PPM1L: variants seen among roughly 807,000 people sequenced by gnomAD.
PPM1L encodes protein phosphatase 1L.
PPM1L carries 13 observed loss-of-function variants against 31.4 expected under a neutral mutation model. That is an observed-to-expected ratio of 0.41 (90% CI 0.27 to 0.66). PPM1L has a LOEUF of 0.66. Ranked by LOEUF, PPM1L falls within the 30% of genes least tolerant of loss-of-function variation. The pLI is 0.29. For missense variants in PPM1L, 326 were observed against 453.7 expected (o/e 0.72, Z 2.56); for synonymous variants, 184 against 175.4 (o/e 1.05, Z -0.39).
intron 2 of PPM1L, among the ~76,000 whole-genome samples, chr3:160,985,981 C>CCA (rs1553752452): frequency 0.32 from 47,664 of 148,924 alleles, 7,872 homozygotes; most frequent in East Asian, 0.6. Flanking sequence ...TCCACCCACC[C>CCA]AAAAAAAAAA....
intron 2 of PPM1L, among the ~76,000 whole-genome samples, chr3:160,983,625 A>G (rs1203627313): frequency 6.6e-6 from 1 of 152,190 alleles, no homozygotes; most frequent in Non-Finnish European, 1.5e-5. Flanking sequence ...ATCTACAAGC[A>G]TTTGGGATTA....
At chr3:160,900,165 A>G (rs973755518) in intron 1 of PPM1L, among the ~76,000 whole-genome samples, 1 of 152,092 alleles carries the variant, frequency 6.6e-6, no homozygotes, top group Non-Finnish European at 1.5e-5. Flanking sequence ...AATTCAGTTT[A>G]TATAACAGAT....
At chr3:160,959,171 G>A (rs1231308470) in intron 1 of PPM1L, among the ~76,000 whole-genome samples, 5 of 152,174 alleles carry the variant, frequency 3.3e-5, no homozygotes, top group African/African-American at 7.2e-5. Flanking sequence ...GTTGGAGACC[G>A]TTGTTCTATG....
At chr3:160,829,221 A>G (rs902345283) in intron 1 of PPM1L, among the ~76,000 whole-genome samples, 7 of 145,292 alleles carry the variant, frequency 4.8e-5, no homozygotes, top group African/African-American at 1.8e-4. Context: ...GTTTAGCAAA[A>G]CTCCACCCTT....
At chr3:160,922,325 A>G (rs528954816) in intron 1 of PPM1L, among the ~76,000 whole-genome samples, 1 of 152,156 alleles carries the variant, frequency 6.6e-6, no homozygotes, top group Middle Eastern at 3.4e-3. Flanking sequence ...AATATATTAC[A>G]TATATTCCTG....
At chr3:160,995,052 C>T (rs1031138755) in intron 2 of PPM1L, among the ~76,000 whole-genome samples, 2 of 152,104 alleles carry the variant, frequency 1.3e-5, no homozygotes, top group Non-Finnish European at 2.9e-5. Flanking sequence ...TTTTAAACAG[C>T]GTTATTAAAA....
At chr3:161,019,615 C>T (rs750737917) in intron 2 of PPM1L, among the ~76,000 whole-genome samples, 27 of 152,076 alleles carry the variant, frequency 1.8e-4, no homozygotes, top group Non-Finnish European at 3.1e-4. Context: ...AATCAAAGTA[C>T]CATTTAGCAG....
At chr3:161,005,496 C>G (rs181292436) in intron 2 of PPM1L, among the ~76,000 whole-genome samples, 58 of 152,164 alleles carry the variant, frequency 3.8e-4, no homozygotes, top group African/African-American at 1.2e-3. Context: ...GGAAGGTGTT[C>G]AAGAAGTGGT....
At chr3:160,804,882 A>G (rs1712550098) in intron 1 of PPM1L, among the ~76,000 whole-genome samples, 1 of 152,184 alleles carries the variant, frequency 6.6e-6, no homozygotes, top group Non-Finnish European at 1.5e-5. Context: ...AGTACTGATG[A>G]CTGATCATCA....
At chr3:161,031,098 T>C (rs1176509018) in intron 2 of PPM1L, among the ~76,000 whole-genome samples, 1 of 152,342 alleles carries the variant, frequency 6.6e-6, no homozygotes, top group African/African-American at 2.4e-5. Flanking sequence ...TGGTAAGTTC[T>C]CTTCCAGAGA....
At chr3:160,939,311 G>A (rs1715081404) in intron 1 of PPM1L, among the ~76,000 whole-genome samples, 1 of 152,046 alleles carries the variant, frequency 6.6e-6, no homozygotes, top group South Asian at 2.1e-4. Flanking sequence ...AAATATCCAT[G>A]TTTTTCATGC....
Position 160,834,301 on chromosome 3 carries a change from G to C in PPM1L, c.399+77594G>C, listed in dbSNP as rs146198755. On this transcript the variant is annotated intron_variant, in intron 1 of 3. Transcript: ENST00000498165. ...GCCTCCCAAAGTGCTGGGATTACAG[G>C]TATGAGCCACCGTGCCCGGCCTTAA... Among the ~76,000 whole-genome samples the C allele has an allele frequency of 7.6e-4, 116 of 152,126 alleles. 2 individuals carry two copies. In the East Asian group the frequency reaches 0.02, roughly 27 times the overall value.
At chr3:160,777,401 A>G (rs966691042) in intron 1 of PPM1L, among the ~76,000 whole-genome samples, 3 of 152,138 alleles carry the variant, frequency 2.0e-5, no homozygotes, top group African/African-American at 4.8e-5. Flanking sequence ...TATCATTATA[A>G]CCATTTTTAA....
At chr3:161,037,917 C>A (rs1191267368) in intron 2 of PPM1L, among the ~76,000 whole-genome samples, 1 of 152,046 alleles carries the variant, frequency 6.6e-6, no homozygotes, top group African/African-American at 2.4e-5. Context: ...TTCAGCAAGA[C>A]TGGGTCACAT....
At chr3:160,960,363 G>A in intron 1 of PPM1L, among the ~76,000 whole-genome samples, 1 of 151,818 alleles carries the variant, frequency 6.6e-6, no homozygotes. Flanking sequence ...AGTTATGTTG[G>A]GAACATTCAA....
At chr3:160,962,618 A>G (rs1576746214) in intron 2 of PPM1L, among the ~76,000 whole-genome samples, 1 of 152,078 alleles carries the variant, frequency 6.6e-6, no homozygotes, top group African/African-American at 2.4e-5. Context: ...GAAAAAGTAC[A>G]GGAAAAAAGG....
At chr3:160,993,009 C>T (rs1381956908) in intron 2 of PPM1L, among the ~76,000 whole-genome samples, 1 of 151,910 alleles carries the variant, frequency 6.6e-6, no homozygotes, top group Non-Finnish European at 1.5e-5. Context: ...AACACTAGGC[C>T]GTTGAATCCC....
At position 160,765,614 on chromosome 3, in the gene PPM1L, C is replaced by T. The variant is rs148033456; in HGVS notation, c.399+8907C>T. On this transcript the variant is annotated intron_variant, in intron 1 of 3. Coordinates refer to ENST00000498165, the MANE Select transcript of PPM1L (RefSeq NM_139245.4). Reference sequence around the variant, plus strand: ...CTTCTTTGCTGGCAGAATCTCTATCCCACTACAGAAAATCTGCAATATTTT... The same window carrying T: ...CTTCTTTGCTGGCAGAATCTCTATCTCACTACAGAAAATCTGCAATATTTT... Among the ~76,000 whole-genome samples the T allele has an allele frequency of 5.5e-3, 834 of 152,250 alleles. 8 individuals carry two copies. Among genetic ancestry groups the T allele is most frequent in the African/African-American group, 0.019 (780 of 41,538 alleles).
chr3:160,855,261 C>T (rs1347362700), intron 1 of PPM1L, among the ~76,000 whole-genome samples: 4 of 152,056 alleles, frequency 2.6e-5, no homozygotes, highest in Admixed American at 6.6e-5. Context: ...AAACCTAAAG[C>T]TATAAAAACC....
Sources: allele counts gnomAD v4.1 joint callset (sites outside exome capture counted in the v4.1 genomes callset), GRCh38; gene constraint gnomAD v4.1.1; transcripts MANE v1.5; gene names NCBI Gene and HGNC (gene_info 2026-07-23, HGNC 2026-07-21).